Variants in HIPK2 observed in about 807,000 individuals in gnomAD.
HIPK2 encodes the protein homeodomain-interacting protein kinase 2.
HIPK2 carries 27 observed loss-of-function variants against 113.7 expected under a neutral mutation model. That is an observed-to-expected ratio of 0.24 (90% CI 0.17 to 0.33). The LOEUF (loss-of-function observed/expected upper bound fraction) is 0.33. HIPK2 is among the 10% of genes least tolerant of loss of function. The probability of loss-of-function intolerance (pLI) is 1.00; values close to 1 mark genes in which losing one functional copy is unlikely to be tolerated. For synonymous variants in HIPK2, 631 were observed against 642.2 expected, an observed-to-expected ratio of 0.98 and a Z score of 0.26; for missense variants, 1,257 against 1,588.0, an observed-to-expected ratio of 0.79 and a Z score of 3.54.
intron 1 of HIPK2, among the ~76,000 whole-genome samples, chr7:139,729,669 G>A (rs1044870194): frequency 2.0e-5 from 3 of 152,128 alleles, no homozygotes; most frequent in Admixed American, 2.0e-4. Flanking sequence ...TTAAATAAAC[G>A]TGGTGGGATG....
intron 2 of HIPK2, among the ~76,000 whole-genome samples, chr7:139,673,958 C>A: frequency 7.0e-6 from 1 of 141,926 alleles, no homozygotes; most frequent in South Asian, 2.3e-4. Flanking sequence ...GTAGTCCCAG[C>A]AACTCGGGAG....
At chr7:139,700,068 A>G (rs1794665611) in intron 2 of HIPK2, among the ~76,000 whole-genome samples, 2 of 152,234 alleles carry the variant, frequency 1.3e-5, no homozygotes, top group Non-Finnish European at 2.9e-5. Flanking sequence ...CCAATGGGAC[A>G]GGAAAACAAA....
At chr7:139,725,272 T>C (rs1485449438) in intron 1 of HIPK2, among the ~76,000 whole-genome samples, 3 of 152,164 alleles carry the variant, frequency 2.0e-5, no homozygotes, top group East Asian at 3.9e-4. Flanking sequence ...TGCATTGTGG[T>C]CAGGCAAAGT....
rs1585212673 is a variant in HIPK2 at position 139,564,156 on chromosome 7, A to G, written c.*8771T>C. On this transcript the variant is annotated 3_prime_UTR_variant, in exon 15 of 15. Coordinates refer to ENST00000406875, the MANE Select transcript of HIPK2 (RefSeq NM_022740.5). ...GACTTTGAGTCTAAGCTGGACAATGAGTAAAACGTAAACATAGCCTTTTAC... is the reference window on the plus strand; with the variant it reads ...GACTTTGAGTCTAAGCTGGACAATGGGTAAAACGTAAACATAGCCTTTTAC... 3 of 394,606 alleles carry G rather than the reference A, an allele frequency of 7.6e-6. No individual in the cohort carries two copies. In the East Asian group the frequency reaches 1.1e-4, roughly 14 times the overall value. The allele number at this position is 394,606 out of a possible 1,614,324, so 24.4% of individuals were successfully genotyped here. A position where few individuals can be genotyped will look rare whatever the true frequency, so the allele number is the denominator to read the frequency against.
chr7:139,614,921 CTG>C (rs1417458052), intron 7 of HIPK2, among the ~76,000 whole-genome samples: 1 of 152,224 alleles, frequency 6.6e-6, no homozygotes, highest in Non-Finnish European at 1.5e-5. Flanking sequence ...TCCTTGGGTT[CTG>C]TGCTGACACA....
In HIPK2 at chr7:139,573,249, G is replaced by A; in HGVS notation, c.3275C>T (p.Ala1092Val). 1 of 1,603,914 alleles carries A rather than the reference G, an allele frequency of 6.2e-7. No homozygotes were observed. Among genetic ancestry groups the A allele is most frequent in the Non-Finnish European group, 8.5e-7 (1 of 1,179,594 alleles). ...GGGCTGGGTGGGGAGGTGGGCAGCG[G>A]CAGCGGCTGCAGCCAGATGCGGGTG... ...TVHPHLAAAA[A>V]AAHLPTQPHL... is the part of the protein sequence containing the mutation. The change falls in exon 15 of 15, where the codon GCC becomes GTC. Residue 1092 changes from alanine to valine, a missense_variant. Ala to Val is a moderately conservative substitution (Grantham distance 64). Around this residue, in one of 5 missense-constraint regions of HIPK2, gnomAD observed 862 missense variants for 1,004.3 expected, o/e 0.86. Coordinates refer to ENST00000406875, the MANE Select transcript of HIPK2 (RefSeq NM_022740.5).
rs965032912 is a variant in HIPK2 at position 139,683,212 on chromosome 7, C to T, written c.1103+32720G>A. ...GCTTCATGCTTAACTATATAACACG[C>T]GTGCCACACACGAGGATAAAAATGC... On this transcript the variant is annotated intron_variant, in intron 2 of 14. Coordinates refer to ENST00000406875, the MANE Select transcript of HIPK2 (RefSeq NM_022740.5). The surrounding 1 kb of genome is among the most constrained non-coding windows in gnomAD (Gnocchi z 4.2). Among the ~76,000 whole-genome samples the T allele has an allele frequency of 2.6e-5, 4 of 152,196 alleles. No homozygotes were observed. The highest frequency in any genetic ancestry group is 5.9e-5 in the Non-Finnish European group (4 of 68,034).
At chr7:139,620,033 G>C (rs902914316) in intron 7 of HIPK2, among the ~76,000 whole-genome samples, 3 of 152,124 alleles carry the variant, frequency 2.0e-5, no homozygotes, top group African/African-American at 7.2e-5. Context: ...AAAGTGCTGG[G>C]GTTATAGGCA....
chr7:139,573,283 C>T lies in HIPK2; in HGVS notation c.3241G>A (p.Gly1081Ser), dbSNP rs781161791. The T allele has an allele frequency of 6.8e-5, 109 of 1,604,912 alleles. No individual in the cohort carries two copies. Among genetic ancestry groups the T allele is most frequent in the Non-Finnish European group, 8.2e-5 (97 of 1,179,780 alleles). Reference protein sequence around the residue: ...YSFPHNSPSHGTVHPHLAAAA... With the variant: ...YSFPHNSPSHSTVHPHLAAAA... ...GCAGCCAGATGCGGGTGCACAGTGC[C>T]GTGGCTGGGGCTGTTGTGCGGGAAG... The change falls in exon 15 of 15, where the codon GGC becomes AGC. Residue 1081 changes from glycine to serine, a missense_variant. Gly to Ser is a moderately conservative substitution (Grantham distance 56). This residue lies in a region of HIPK2 where 862 missense variants were observed against 1,004.3 expected (regional missense o/e 0.86). Coordinates refer to ENST00000406875, the MANE Select transcript of HIPK2 (RefSeq NM_022740.5).
intron 12 of HIPK2, among the ~76,000 whole-genome samples, chr7:139,588,163 C>T (rs377411761): frequency 6.0e-5 from 9 of 151,224 alleles, no homozygotes; most frequent in African/African-American, 2.2e-4. Flanking sequence ...ACTAAAAATA[C>T]AAAAATTAGC....
chr7:139,603,926 G>T, intron 10 of HIPK2, 155 bp downstream of exon 10: 1 of 403,770 alleles, frequency 2.5e-6, no homozygotes, highest in Non-Finnish European at 3.4e-6. Flanking sequence ...TTGTTACCCT[G>T]CACTCATAGT....
chr7:139,757,403 T>C (rs1796380354), intron 1 of HIPK2, among the ~76,000 whole-genome samples: 1 of 152,180 alleles, frequency 6.6e-6, no homozygotes, highest in Admixed American at 6.5e-5. Flanking sequence ...AAATATTTGC[T>C]AGACACTTTG....
chr7:139,575,291 G>A lies in HIPK2; in HGVS notation c.2966-3C>T. ...GGACGAGTGGTGACTGGTGTTGACT[G>A]TGGCGGGAGGAGAAAGAGGTCAGAT... On this transcript the variant is annotated splice_polypyrimidine_tract_variant and splice_region_variant and intron_variant, in intron 13 of 14. Transcript: ENST00000406875. 2 of 1,558,764 alleles carry A rather than the reference G, an allele frequency of 1.3e-6. No individual in the cohort carries two copies. Among genetic ancestry groups the A allele is most frequent in the Non-Finnish European group, 1.7e-6 (2 of 1,150,966 alleles).
Position 139,584,000 on chromosome 7 carries a change from C to A in HIPK2, c.2782G>T (p.Asp928Tyr). The A allele has an allele frequency of 2.5e-6, 4 of 1,613,574 alleles. No individual in the cohort carries two copies. The highest frequency in any genetic ancestry group is 3.4e-6 in the Non-Finnish European group (4 of 1,179,680). The part of the protein sequence containing the change: ...CVTVHDSPYS[D>Y]SSSNTSPYSV... ...TAGGGGCTGGTGTTGCTGGAGGAGT[C>A]GGAGTAGGGGGAGTCGTGGACTGTG... The change falls in exon 13 of 15, where the codon GAC becomes TAC. Residue 928 changes from aspartate to tyrosine, a missense_variant. Asp to Tyr is a radical substitution (Grantham distance 160). Transcript: ENST00000406875.
intron 2 of HIPK2, among the ~76,000 whole-genome samples, chr7:139,676,870 T>A (rs1442441061): frequency 3.3e-5 from 5 of 151,790 alleles, no homozygotes; most frequent in African/African-American, 9.6e-5. Flanking sequence ...CTTTTTCTTT[T>A]TTTTTTTTTT....
At chr7:139,772,158 C>T (rs1049342760) in intron 1 of HIPK2, among the ~76,000 whole-genome samples, 7 of 152,168 alleles carry the variant, frequency 4.6e-5, no homozygotes, top group Non-Finnish European at 7.3e-5. Flanking sequence ...TCCACAATTC[C>T]CTGAATGATC....
At position 139,573,246 on chromosome 7, in the gene HIPK2, G is replaced by A. The variant is rs368528575; in HGVS notation, c.3278C>T (p.Ala1093Val). ...VHPHLAAAAA[A>V]AHLPTQPHLY... ...GTGGGGCTGGGTGGGGAGGTGGGCA[G>A]CGGCAGCGGCTGCAGCCAGATGCGG... The change falls in exon 15 of 15, where the codon GCT (alanine) becomes GTT (valine). Residue 1093 changes from alanine (A) to valine (V), a missense_variant. Ala to Val is a moderately conservative substitution (Grantham distance 64). This residue lies in a region of HIPK2 where 862 missense variants were observed against 1,004.3 expected (regional missense o/e 0.86). Coordinates refer to ENST00000406875, the MANE Select transcript of HIPK2 (RefSeq NM_022740.5). 1.5e-4 allele frequency: 244 copies of A among 1,603,874 alleles called. No homozygotes were observed. Among genetic ancestry groups the A allele is most frequent in the Non-Finnish European group, 2.0e-4 (241 of 1,179,584 alleles).
At chr7:139,634,039 G>A (rs1048698167) in intron 2 of HIPK2, among the ~76,000 whole-genome samples, 2 of 151,658 alleles carry the variant, frequency 1.3e-5, no homozygotes, top group South Asian at 2.1e-4. Flanking sequence ...GAGCCCAGGA[G>A]TTTGAGGGTG....
intron 2 of HIPK2, among the ~76,000 whole-genome samples, chr7:139,641,539 G>C (rs565914805): frequency 2.0e-5 from 3 of 152,318 alleles, no homozygotes; most frequent in African/African-American, 7.2e-5. Context: ...ATGCGCTTGG[G>C]CTGCTTGGAG....
Sources: gnomAD v4.1 joint callset for allele counts (sites outside exome capture counted in the v4.1 genomes callset) on GRCh38, gnomAD v4.1.1 for gene constraint, gnomAD v4.1.1 regional missense constraint, Gnocchi (gnomAD v3.1) non-coding constraint, MANE v1.5 for transcripts, NCBI Gene and HGNC (gene_info 2026-07-23, HGNC 2026-07-21) for gene names.